The following CACNA1E variants were observed in gnomAD, a reference collection of about 807,000 sequenced individuals.
CACNA1E encodes voltage-dependent R-type calcium channel subunit alpha-1E.
In CACNA1E, 40 loss-of-function variants were observed where a neutral mutation model predicts 259.2. The observed-to-expected ratio is 0.15, with a 90% confidence interval of 0.12 to 0.20. The LOEUF is 0.20. Among genes scored for constraint, CACNA1E ranks in the 10% least tolerant of loss-of-function variants. CACNA1E has a pLI of 1.00. For missense variants in CACNA1E, 1,874 were observed against 3,040.1 expected (o/e 0.62, Z 9.02); for synonymous variants, 1,104 against 1,138.5 (o/e 0.97, Z 0.61).
At chr1:181,348,110 G>A (rs547570981) in intron 1 of CACNA1E, among the ~76,000 whole-genome samples, 1 of 152,124 alleles carries the variant, frequency 6.6e-6, no homozygotes, top group South Asian at 2.1e-4. Flanking sequence ...ATTCCTTGAA[G>A]CCGTGCGTCT....
At chr1:181,588,571 T>C (rs1322594309) in intron 6 of CACNA1E, among the ~76,000 whole-genome samples, 2 of 152,198 alleles carry the variant, frequency 1.3e-5, no homozygotes, top group African/African-American at 4.8e-5. Flanking sequence ...GATGCCATCA[T>C]GTTTGGGATT....
intron 3 of CACNA1E, among the ~76,000 whole-genome samples, chr1:181,534,106 T>C (rs771360591): frequency 2.6e-5 from 4 of 152,116 alleles, no homozygotes; most frequent in Non-Finnish European, 5.9e-5. Flanking sequence ...ATGACAGTAA[T>C]AGAAGGCTGT....
At chr1:181,476,512 C>T (rs560561415) in intron 2 of CACNA1E, among the ~76,000 whole-genome samples, 6 of 152,178 alleles carry the variant, frequency 3.9e-5, no homozygotes, top group East Asian at 1.9e-4. Flanking sequence ...TCTGTTACTG[C>T]GGCATTATCT....
intron 1 of CACNA1E, among the ~76,000 whole-genome samples, chr1:181,403,753 A>G (rs928750099): frequency 5.3e-5 from 8 of 152,162 alleles, no homozygotes; most frequent in African/African-American, 1.9e-4. Flanking sequence ...CCTGACTCAA[A>G]TGGGCTTTGG....
Position 181,753,731 on chromosome 1 carries a change from C to T in CACNA1E, c.3828+1492C>T, listed in dbSNP as rs1312948093. ...CATCACCTCTGATACTCTTTGCCCA[C>T]GCCTACCCCAGACCTCCTTCAGGCC... On this transcript the variant is annotated intron_variant, in intron 27 of 47. Transcript: ENST00000367573. 6.6e-5 allele frequency among the ~76,000 whole-genome samples: 10 copies of T among 152,200 alleles called. No homozygotes were observed. In the East Asian group the frequency reaches 1.2e-3, roughly 18 times the overall value.
At chr1:181,442,294 G>A (rs908246709) in intron 2 of CACNA1E, among the ~76,000 whole-genome samples, 1 of 133,342 alleles carries the variant, frequency 7.5e-6, no homozygotes, top group African/African-American at 3.2e-5. Flanking sequence ...GTCAGGGCAT[G>A]AGGGAGACAG....
intron 1 of CACNA1E, among the ~76,000 whole-genome samples, chr1:181,361,475 C>T (rs1653880571): frequency 6.6e-6 from 1 of 152,122 alleles, no homozygotes; most frequent in Non-Finnish European, 1.5e-5. Flanking sequence ...CTCCTTTTCC[C>T]ATGACTCACT....
intron 7 of CACNA1E, among the ~76,000 whole-genome samples, chr1:181,670,069 A>G (rs1338867146): frequency 6.6e-6 from 1 of 152,122 alleles, no homozygotes. Context: ...TTTTGTTTAA[A>G]CTTGTCTCTT....
At chr1:181,729,162 C>A (rs1431161132) in intron 18 of CACNA1E, among the ~76,000 whole-genome samples, 1 of 147,806 alleles carries the variant, frequency 6.8e-6, no homozygotes, top group Non-Finnish European at 1.5e-5. Context: ...GTGAACATTG[C>A]TCAGGTGTGT....
At chr1:181,418,507 T>A (rs1288651335) in intron 2 of CACNA1E, among the ~76,000 whole-genome samples, 7 of 152,212 alleles carry the variant, frequency 4.6e-5, no homozygotes. Context: ...GACCTCTAAA[T>A]TGGTGTCTGT....
intron 2 of CACNA1E, among the ~76,000 whole-genome samples, chr1:181,445,541 G>A (rs1660740555): frequency 6.6e-6 from 1 of 152,164 alleles, no homozygotes; most frequent in African/African-American, 2.4e-5. Flanking sequence ...TCATTGGTAG[G>A]TGAGCTTCTG....
At chr1:181,369,103 C>T (rs748328869) in intron 1 of CACNA1E, among the ~76,000 whole-genome samples, 13 of 152,210 alleles carry the variant, frequency 8.5e-5, no homozygotes, top group Non-Finnish European at 1.3e-4. Context: ...AGCGACTCCA[C>T]TAGTTCAGGT....
chr1:181,538,807 A>G (rs899362298), intron 3 of CACNA1E, among the ~76,000 whole-genome samples: 3 of 152,244 alleles, frequency 2.0e-5, no homozygotes, highest in Non-Finnish European at 4.4e-5. Flanking sequence ...CTGAGAATCT[A>G]CAAAGTGAAA....
At chr1:181,554,732 A>G (rs549307328) in intron 3 of CACNA1E, among the ~76,000 whole-genome samples, 5 of 152,280 alleles carry the variant, frequency 3.3e-5, no homozygotes, top group African/African-American at 9.6e-5. Flanking sequence ...GGGATTGACA[A>G]TGAGCTTACT....
At chr1:181,626,149 A>G (rs1656178207) in intron 6 of CACNA1E, among the ~76,000 whole-genome samples, 1 of 152,242 alleles carries the variant, frequency 6.6e-6, no homozygotes, top group Non-Finnish European at 1.5e-5. Context: ...ATCACAAATC[A>G]CCATGACAGA....
At chr1:181,715,651 G>A (rs1288294487) in intron 9 of CACNA1E, among the ~76,000 whole-genome samples, 1 of 152,158 alleles carries the variant, frequency 6.6e-6, no homozygotes, top group African/African-American at 2.4e-5. Flanking sequence ...CAAGGAAAAG[G>A]CCATCCTACA....
chr1:181,615,124 C>A (rs998450346), intron 6 of CACNA1E, among the ~76,000 whole-genome samples: 9 of 152,088 alleles, frequency 5.9e-5, no homozygotes, highest in Non-Finnish European at 1.3e-4. Flanking sequence ...ATATAGTCAT[C>A]CATTCATTAT....
chr1:181,330,976 G>A (rs1651213220), intron 1 of CACNA1E, among the ~76,000 whole-genome samples: 1 of 152,160 alleles, frequency 6.6e-6, no homozygotes, highest in South Asian at 2.1e-4. Context: ...AAGGGAGGAG[G>A]GCAGGGTGGC....
chr1:181,545,704 C>T (rs894348364), intron 3 of CACNA1E, among the ~76,000 whole-genome samples: 18 of 152,214 alleles, frequency 1.2e-4, no homozygotes, highest in African/African-American at 4.1e-4. Context: ...GACTTCTGTT[C>T]AGGGAGTTTG....
Sources: allele counts gnomAD v4.1 joint callset (sites outside exome capture counted in the v4.1 genomes callset), GRCh38; gene constraint gnomAD v4.1.1; transcripts MANE v1.5; gene names NCBI Gene and HGNC (gene_info 2026-07-23, HGNC 2026-07-21).